Variants in BORCS7 observed in about 807,000 individuals in gnomAD.
The protein encoded by BORCS7 is BLOC-1 related complex subunit 7, also known as BLOC-1-related complex subunit 7.
In BORCS7, 20 loss-of-function variants were observed where a neutral mutation model predicts 17.5. That is an observed-to-expected ratio of 1.14 (90% CI 0.80 to 1.66). The LOEUF (loss-of-function observed/expected upper bound fraction) is 1.66, where lower values mean the gene tolerates loss of function less well. BORCS7 is among the 40% of genes most tolerant of loss of function. The probability of loss-of-function intolerance (pLI) is 0.00; values close to 1 mark genes in which losing one functional copy is unlikely to be tolerated. For synonymous variants in BORCS7, 57 were observed against 49.8 expected (o/e 1.14, Z -0.61); for missense variants, 122 against 129.7 (o/e 0.94, Z 0.29).
rs7090518 is a variant in BORCS7, at chr10:102,863,062, G to A, written c.*138G>A. ...GAAAAGTTCTGTGTTAGGGCCGGGC[G>A]CGGTAGCTCACGCCTGTAATCCCAG... On this transcript the variant is annotated 3_prime_UTR_variant, in exon 5 of 5. Coordinates refer to ENST00000339834, the MANE Select transcript of BORCS7 (RefSeq NM_001136200.2). 1.4e-3 allele frequency: 1,097 copies of A among 763,328 alleles called. 9 individuals carry two copies. In the African/African-American group the frequency reaches 0.015, roughly 10 times the overall value. The allele number at this position is 763,328 out of a possible 1,614,324, so 47.3% of individuals were successfully genotyped here.
chr10:102,863,711 GT>G lies in BORCS7; in HGVS notation c.*790del, dbSNP rs1377616859. 6.6e-6 allele frequency: 1 copy of G among 152,062 alleles called. No individual in the cohort carries two copies. Among genetic ancestry groups the G allele is most frequent in the East Asian group, 1.9e-4 (1 of 5,196 alleles). 9.4% of individuals were successfully genotyped at this position (152,062 alleles called of 1,614,324 possible). On this transcript the variant is annotated 3_prime_UTR_variant, in exon 5 of 5. Coordinates refer to ENST00000339834, the MANE Select transcript of BORCS7 (RefSeq NM_001136200.2). ...TAATGGTGATAAGTAATACCTGATT[GT>G]TTCCTTTTCTGTTCTAGTAACTCAG...
intron 1 of BORCS7, among the ~76,000 whole-genome samples, chr10:102,859,434 T>A (rs1844481015): frequency 6.6e-6 from 1 of 151,776 alleles, no homozygotes; most frequent in African/African-American, 2.4e-5. Flanking sequence ...CCACCGCACC[T>A]GGCCATCTCC....
intron 4 of BORCS7, among the ~76,000 whole-genome samples, chr10:102,862,418 C>A (rs1262901469): frequency 6.6e-6 from 1 of 152,132 alleles, no homozygotes; most frequent in Admixed American, 6.6e-5. Context: ...AGAGACCAAC[C>A]TTAAGGAGTA....
intron 3 of BORCS7, 122 bp from the exon 4 acceptor site, chr10:102,862,038 A>G (rs915134413): frequency 6.6e-6 from 6 of 904,798 alleles, no homozygotes; most frequent in African/African-American, 1.7e-5. Flanking sequence ...TTAGGATAGG[A>G]TGGACAGAAA....
chr10:102,856,221 G>T (rs1309549134), intron 1 of BORCS7, among the ~76,000 whole-genome samples: 2 of 152,084 alleles, frequency 1.3e-5, no homozygotes, highest in Non-Finnish European at 2.9e-5. Flanking sequence ...TTTGAGTTGT[G>T]TGCTTAGTGA....
intron 1 of BORCS7, 193 bp downstream of exon 1, chr10:102,854,620 G>C: frequency 3.5e-6 from 2 of 570,154 alleles, no homozygotes; most frequent in Non-Finnish European, 5.5e-6. Context: ...GTGTGTGAGG[G>C]TTGGGGGAAG....
chr10:102,860,231 G>C (rs1483670955), intron 1 of BORCS7, 101 bp from the exon 2 acceptor site: 9 of 905,578 alleles, frequency 9.9e-6, no homozygotes, highest in South Asian at 5.8e-5. Flanking sequence ...ATAGGGTGGA[G>C]GAGTGGGAGA....
intron 1 of BORCS7, among the ~76,000 whole-genome samples, chr10:102,857,834 C>T (rs995791968): frequency 3.9e-5 from 6 of 152,070 alleles, no homozygotes; most frequent in African/African-American, 1.4e-4. Flanking sequence ...TGTATTGCTG[C>T]AGATAACCCT....
In BORCS7 at chr10:102,863,879, C is replaced by T. The variant is rs569661054; in HGVS notation, c.*955C>T. 1.3e-5 allele frequency: 2 copies of T among 152,266 alleles called. No homozygotes were observed. The highest frequency in any genetic ancestry group is 1.9e-4 in the East Asian group (1 of 5,188). The allele number at this position is 152,266 out of a possible 1,614,324, so 9.4% of individuals were successfully genotyped here. ...TTGCTGTAATTCTTGATTAAGTGACCTTGACTTTCATTTTGTAATTTTGCT... is the reference window on the plus strand; with the variant it reads ...TTGCTGTAATTCTTGATTAAGTGACTTTGACTTTCATTTTGTAATTTTGCT... On this transcript the variant is annotated 3_prime_UTR_variant, in exon 5 of 5. Coordinates refer to ENST00000339834, the MANE Select transcript of BORCS7 (RefSeq NM_001136200.2).
At chr10:102,856,395 GAA>G (rs961966155) in intron 1 of BORCS7, among the ~76,000 whole-genome samples, 1 of 142,316 alleles carries the variant, frequency 7.0e-6, no homozygotes. Context: ...GTAAAAAAAG[GAA>G]AAAAAAAAAG....
chr10:102,860,444 G>A lies in BORCS7; in HGVS notation c.204+50G>A, dbSNP rs769691685. 4.4e-6 allele frequency: 7 copies of A among 1,608,838 alleles called. No individual in the cohort carries two copies. In the Admixed American group the frequency reaches 8.3e-5, roughly 19 times the overall value. On this transcript the variant is annotated intron_variant, in intron 2 of 4. Coordinates refer to ENST00000339834, the MANE Select transcript of BORCS7 (RefSeq NM_001136200.2). ...TGATTTGGGTTTATGTATATGGTTT[G>A]TGTGGCCACAGGGAAGTGGAAATGT... is the stretch of plus-strand genomic sequence containing the variant.
At chr10:102,855,009 T>A (rs1844404803) in intron 1 of BORCS7, among the ~76,000 whole-genome samples, 1 of 147,838 alleles carries the variant, frequency 6.8e-6, no homozygotes, top group Non-Finnish European at 1.5e-5. Context: ...CAACTAGAGG[T>A]GTTTATAGTT....
intron 1 of BORCS7, 24 bp downstream of exon 1, chr10:102,854,451 G>T: frequency 6.6e-7 from 1 of 1,517,772 alleles, no homozygotes; most frequent in Non-Finnish European, 8.9e-7. Context: ...GGACTCTCCC[G>T]GCCTGATAGT....
intron 1 of BORCS7, among the ~76,000 whole-genome samples, chr10:102,858,999 T>G (rs1844472047): frequency 1.3e-5 from 2 of 151,904 alleles, no homozygotes; most frequent in Admixed American, 6.6e-5. Context: ...GGTCTCTGCT[T>G]GCCTCTCAGT....
At chr10:102,857,880 A>T (rs963088273) in intron 1 of BORCS7, among the ~76,000 whole-genome samples, 1 of 152,138 alleles carries the variant, frequency 6.6e-6, no homozygotes, top group Non-Finnish European at 1.5e-5. Context: ...AGCAAGGTGT[A>T]GGCTGGGCAC....
chr10:102,863,881 T>G lies in BORCS7; in HGVS notation c.*957T>G, dbSNP rs757128230. On this transcript the variant is annotated 3_prime_UTR_variant, in exon 5 of 5. Coordinates refer to ENST00000339834, the MANE Select transcript of BORCS7 (RefSeq NM_001136200.2). ...GCTGTAATTCTTGATTAAGTGACCT[T>G]GACTTTCATTTTGTAATTTTGCTAA... The G allele has an allele frequency of 6.6e-6, 1 of 152,242 alleles. No individual in the cohort carries two copies. Among genetic ancestry groups the G allele is most frequent in the Non-Finnish European group, 1.5e-5 (1 of 68,038 alleles). 9.4% of individuals were successfully genotyped at this position (152,242 alleles called of 1,614,324 possible). A position where few individuals can be genotyped will look rare whatever the true frequency, so the allele number is the denominator to read the frequency against.
In BORCS7 at chr10:102,864,210, C is replaced by A. The variant is rs1844561788; in HGVS notation, c.*1286C>A. The A allele has an allele frequency of 1.3e-5, 2 of 152,070 alleles. No homozygotes were observed. The highest frequency in any genetic ancestry group is 2.9e-5 in the Non-Finnish European group (2 of 68,010). 9.4% of individuals were successfully genotyped at this position (152,070 alleles called of 1,614,324 possible). A position where few individuals can be genotyped will look rare whatever the true frequency, so the allele number is the denominator to read the frequency against. ...GAATAAAGAGGAAGTAACAGTGAAT[C>A]CAATATAGTTCATATTGTTATTGTC... On this transcript the variant is annotated 3_prime_UTR_variant, in exon 5 of 5. Transcript: ENST00000339834.
chr10:102,858,178 T>A (rs12257753), intron 1 of BORCS7, among the ~76,000 whole-genome samples: 58,870 of 121,798 alleles, frequency 0.48, 13,955 homozygotes, highest in East Asian at 0.63. Flanking sequence ...AAAAAAAAAA[T>A]ATATATATAT....
At chr10:102,859,130 C>T (rs1844474259) in intron 1 of BORCS7, among the ~76,000 whole-genome samples, 1 of 147,734 alleles carries the variant, frequency 6.8e-6, no homozygotes, top group African/African-American at 2.5e-5. Flanking sequence ...CTGCACATTT[C>T]TCCTTTCTTT....
Sources: gnomAD v4.1 joint callset for allele counts (sites outside exome capture counted in the v4.1 genomes callset) on GRCh38, gnomAD v4.1.1 for gene constraint, MANE v1.5 for transcripts, NCBI Gene and HGNC (gene_info 2026-07-23, HGNC 2026-07-21) for gene names.